The following NUP214 variants were observed in gnomAD, a reference collection of about 807,000 sequenced individuals.
NUP214 encodes nuclear pore complex protein Nup214.
A neutral mutation model predicts 196.2 loss-of-function variants in NUP214; 79 were observed. That is an observed-to-expected ratio of 0.40 (90% confidence interval 0.34 to 0.49). NUP214 has a LOEUF of 0.49. Among genes scored for constraint, NUP214 ranks in the 20% least tolerant of loss-of-function variants. NUP214 has a pLI of 0.58. For missense variants in NUP214, 2,468 were observed against 2,539.0 expected, an observed-to-expected ratio of 0.97 and a Z score of 0.60; for synonymous variants, 1,020 against 990.5, an observed-to-expected ratio of 1.03 and a Z score of -0.56.
rs75412063 is a variant in NUP214, at chr9:131,150,637, T to C, written c.2149T>C (p.Leu717=). 628 of 1,612,768 alleles carry C rather than the reference T, an allele frequency of 3.9e-4. 5 individuals are homozygous for C. In the East Asian group the frequency reaches 0.013, roughly 32 times the overall value. The change falls in exon 16 of 36, where the codon TTG becomes CTG. Residue 717 remains leucine (L), a synonymous_variant. Coordinates refer to ENST00000359428, the MANE Select transcript of NUP214 (RefSeq NM_005085.4). ...ACAGATTGCACACTTTCAGAAGGAG[T>C]TGGAAGAGTTAAAAGCCCGAACTTC... The part of the protein sequence containing the change: ...GEEIAHFQKE[L]EELKARTSKA...
rs1483464737 is a variant in NUP214 at position 131,175,711 on chromosome 9, C to T, written c.3319+90C>T. On this transcript the variant is annotated intron_variant, in intron 23 of 35. Coordinates refer to ENST00000359428, the MANE Select transcript of NUP214 (RefSeq NM_005085.4). ...ACAGCAGGTGGCAAGAAACAGTGGG[C>T]GCTCTTTGGTGCCCTTCAGAAGAGA... The T allele has an allele frequency of 2.4e-5, 36 of 1,481,164 alleles. No homozygotes were observed. The Admixed American group carries it at 4.9e-4, about 20-fold the overall frequency. 91.8% of individuals were successfully genotyped at this position (1,481,164 alleles called of 1,614,324 possible).
intron 8 of NUP214, 131 bp downstream of exon 8, chr9:131,135,135 G>A (rs1257042480): frequency 3.0e-6 from 2 of 658,978 alleles, no homozygotes; most frequent in East Asian, 5.6e-5. Flanking sequence ...CATTACCCAG[G>A]CTGGAGTGCA....
At chr9:131,148,846 G>A (rs1439334783) in intron 14 of NUP214, among the ~76,000 whole-genome samples, 1 of 151,954 alleles carries the variant, frequency 6.6e-6, no homozygotes, top group Non-Finnish European at 1.5e-5. Context: ...TCTATTCATT[G>A]TCTTTTTTGT....
intron 28 of NUP214, among the ~76,000 whole-genome samples, chr9:131,196,027 C>CGTCGT (rs1265684954): frequency 1.2e-4 from 3 of 24,328 alleles, no homozygotes; most frequent in South Asian, 1.4e-3. Context: ...TCTGTGTGTC[C>CGTCGT]CCCCCCCCCC....
intron 19 of NUP214, 140 bp downstream of exon 19, chr9:131,163,313 T>A (rs1832696406): frequency 1.4e-6 from 1 of 720,748 alleles, no homozygotes. Context: ...TCCCACCCTC[T>A]CTGATCCTTT....
At chr9:131,210,678 A>G (rs1167378254) in intron 30 of NUP214, among the ~76,000 whole-genome samples, 2 of 152,184 alleles carry the variant, frequency 1.3e-5, no homozygotes, top group African/African-American at 2.4e-5. Context: ...GTTTAAATCT[A>G]GTACGTGAAA....
At chr9:131,127,362 G>A (rs1447777949) in intron 1 of NUP214, among the ~76,000 whole-genome samples, 162 bp from the exon 2 acceptor site, 1 of 152,122 alleles carries the variant, frequency 6.6e-6, no homozygotes, top group African/African-American at 2.4e-5. Context: ...CAGCCTGGAC[G>A]ACAGAGCGAG....
intron 7 of NUP214, among the ~76,000 whole-genome samples, chr9:131,134,618 G>T (rs1831660383): frequency 6.6e-6 from 1 of 151,972 alleles, no homozygotes; most frequent in Non-Finnish European, 1.5e-5. Flanking sequence ...AGGCTTAGTA[G>T]GTCTAGTATA....
At chr9:131,228,718 C>T (rs1018901353) in intron 33 of NUP214, 3 of 165,552 alleles carry the variant, frequency 1.8e-5, no homozygotes, top group Non-Finnish European at 2.6e-5. Flanking sequence ...ATTCTTTCCT[C>T]TTGGGATTAT....
intron 2 of NUP214, 94 bp downstream of exon 2, chr9:131,127,813 G>T (rs1365965553): frequency 3.4e-6 from 3 of 891,946 alleles, no homozygotes; most frequent in African/African-American, 3.3e-5. Context: ...ATACTAAAAT[G>T]AACACTGCTG....
chr9:131,159,360 G>GTTTTTAATA, intron 17 of NUP214, 23 bp from the exon 18 acceptor site: 1 of 1,567,526 alleles, frequency 6.4e-7, no homozygotes, highest in Non-Finnish European at 8.8e-7. Context: ...CAAGTTATTT[G>GTTTTTAATA]CCTTTTAATT....
At position 131,164,062 on chromosome 9, in the gene NUP214, C is replaced by G; in HGVS notation, c.2811C>G (p.Ala937=). 1 of 1,614,086 alleles carries G rather than the reference C, an allele frequency of 6.2e-7. No homozygotes were observed. Residue 937 remains alanine, a splice_region_variant and synonymous_variant, in exon 21 of 36, where the codon GCC becomes GCG. Transcript: ENST00000359428. ...TATGGGTTTATGGATTTCTTGCAGC[C>G]AAACTGTCCCCCATGAAACAGGCAC... ...SHTKSLPKVP[A]KLSPMKQAQL...
intron 14 of NUP214, 23 bp downstream of exon 14, chr9:131,147,607 A>T (rs757248519): frequency 1.9e-5 from 30 of 1,541,640 alleles, no homozygotes; most frequent in Admixed American, 6.8e-5. Context: ...TCAGCTTGCA[A>T]TGTTTGTGTT....
intron 24 of NUP214, among the ~76,000 whole-genome samples, chr9:131,181,680 CT>C (rs1296590898): frequency 6.6e-6 from 1 of 152,068 alleles, no homozygotes; most frequent in Non-Finnish European, 1.5e-5. Context: ...ATTAGGTTGT[CT>C]TTTTATTTTT....
At position 131,136,001 on chromosome 9, in the gene NUP214, G is replaced by T. The variant is rs925850991; in HGVS notation, c.1000G>T (p.Asp334Tyr). 1.9e-6 allele frequency: 3 copies of T among 1,612,242 alleles called. No homozygotes were observed. The highest frequency in any genetic ancestry group is 1.3e-5 in the African/African-American group (1 of 74,988). ...TEVSILARQS[D>Y]QINWESWLLE... is the part of the protein sequence containing the mutation. ...AGTTAGTATCCTTGCTCGACAAAGT[G>T]ATCAGGTAAATCTCTTTTTTGTCAC... The change falls in exon 9 of 36, where the codon GAT (aspartate) becomes TAT (tyrosine). Residue 334 changes from aspartate to tyrosine, a missense_variant. Coordinates refer to ENST00000359428, the MANE Select transcript of NUP214 (RefSeq NM_005085.4).
chr9:131,223,924 C>T (rs970799148), intron 32 of NUP214, among the ~76,000 whole-genome samples: 8 of 149,018 alleles, frequency 5.4e-5, no homozygotes, highest in Non-Finnish European at 1.0e-4. Context: ...TTAGTAGAGA[C>T]GGGGTTTCAC....
chr9:131,165,661 A>T (rs1832766895), intron 21 of NUP214, among the ~76,000 whole-genome samples: 2 of 152,244 alleles, frequency 1.3e-5, no homozygotes, highest in South Asian at 4.1e-4. Context: ...TTTCAAAGAG[A>T]TACTTTTGTA....
In NUP214 at chr9:131,196,698, C is replaced by T. The variant is rs10118555; in HGVS notation, c.3722-518C>T. Among the ~76,000 whole-genome samples, 288 of 152,282 alleles carry T rather than the reference C, an allele frequency of 1.9e-3. 1 individual carries two copies. The highest frequency in any genetic ancestry group is 6.6e-3 in the African/African-American group (275 of 41,546). On this transcript the variant is annotated intron_variant, in intron 28 of 35. Transcript: ENST00000359428. ...TGTCCTTGACCACCAGACCGTACTG[C>T]CTCTGTCAAATAGCTGACTTAGTAG...
At position 131,128,482 on chromosome 9, in the gene NUP214, A is replaced by G. The variant is rs769609293; in HGVS notation, c.392A>G (p.Glu131Gly). The G allele has an allele frequency of 6.2e-7, 1 of 1,611,708 alleles. No homozygotes were observed. Among genetic ancestry groups the G allele is most frequent in the South Asian group, 1.1e-5 (1 of 90,794 alleles). ...TTTGATGTTCGCACATTCTCAAATG[A>G]GGTAAGCTACTGTTATACTGTGATG... The part of the protein sequence containing the change: ...AFFDVRTFSN[E>G]AKQQKRPFAY... The change falls in exon 3 of 36, where the codon GAG becomes GGG. Residue 131 changes from glutamate to glycine, a missense_variant and splice_region_variant. By Grantham distance (98) the Glu-to-Gly change is moderately conservative. Coordinates refer to ENST00000359428, the MANE Select transcript of NUP214 (RefSeq NM_005085.4).
Sources: allele counts gnomAD v4.1 joint callset (sites outside exome capture counted in the v4.1 genomes callset), GRCh38; gene constraint gnomAD v4.1.1; transcripts MANE v1.5; gene names NCBI Gene and HGNC (gene_info 2026-07-23, HGNC 2026-07-21).